KSR1: variants seen among roughly 807,000 people sequenced by gnomAD.
The protein encoded by KSR1 is kinase suppressor of ras.
KSR1 carries 35 observed loss-of-function variants against 92.9 expected under a neutral mutation model. That is an observed-to-expected ratio of 0.38 (90% CI 0.29 to 0.50). The LOEUF (loss-of-function observed/expected upper bound fraction) is 0.50, where lower values mean the gene tolerates loss of function less well. KSR1 is among the 20% of genes least tolerant of loss of function. The pLI is 0.94. For synonymous variants in KSR1, 467 were observed against 472.6 expected (o/e 0.99, Z 0.15); for missense variants, 972 against 1,158.5 (o/e 0.84, Z 2.34).
chr17:27,525,674 A>C (rs1004196438), intron 1 of KSR1, among the ~76,000 whole-genome samples: 1 of 152,220 alleles, frequency 6.6e-6, no homozygotes, highest in African/African-American at 2.4e-5. Flanking sequence ...AAGGTTCCAA[A>C]GGTTTCCAGA....
Position 27,617,573 on chromosome 17 carries a change from G to A in KSR1, c.2627+145G>A, listed in dbSNP as rs551505973. 3.2e-3 allele frequency: 3,169 copies of A among 1,002,502 alleles called. 3 individuals are homozygous for A. The highest frequency in any genetic ancestry group is 4.1e-3 in the Non-Finnish European group (2,885 of 701,758). 62.1% of individuals were successfully genotyped at this position (1,002,502 alleles called of 1,614,324 possible). ...ACAGAGTCTCGCTCTTGTCATCAGGGCTGGAGTGCAGTGGCACGATCTCAG... is the reference window on the plus strand; with the variant it reads ...ACAGAGTCTCGCTCTTGTCATCAGGACTGGAGTGCAGTGGCACGATCTCAG... On this transcript the variant is annotated intron_variant, in intron 19 of 20. Transcript: ENST00000644974.
intron 1 of KSR1, among the ~76,000 whole-genome samples, chr17:27,516,231 G>A (rs1170847468): frequency 6.6e-6 from 1 of 152,174 alleles, no homozygotes; most frequent in Non-Finnish European, 1.5e-5. Context: ...TTGCCTTATG[G>A]TCATTGTAAG....
intron 13 of KSR1, among the ~76,000 whole-genome samples, chr17:27,604,941 G>A (rs1291659225): frequency 6.6e-6 from 1 of 152,220 alleles, no homozygotes; most frequent in African/African-American, 2.4e-5. Context: ...CTCCCCAGGT[G>A]ATTGTAGCCA....
At chr17:27,552,264 G>C (rs77826270) in intron 2 of KSR1, among the ~76,000 whole-genome samples, 1 of 152,160 alleles carries the variant, frequency 6.6e-6, no homozygotes, top group Admixed American at 6.5e-5. Context: ...CCTGGGATGC[G>C]AGCACCATGA....
intron 2 of KSR1, among the ~76,000 whole-genome samples, chr17:27,552,519 G>A (rs1385429914): frequency 5.3e-5 from 8 of 152,278 alleles, no homozygotes; most frequent in Non-Finnish European, 1.5e-5. Flanking sequence ...CCAGTGTAGG[G>A]ATCATAGCCC....
chr17:27,468,093 A>G (rs1003774520), intron 1 of KSR1, among the ~76,000 whole-genome samples: 21 of 151,750 alleles, frequency 1.4e-4, no homozygotes, highest in African/African-American at 5.1e-4. Flanking sequence ...CTGGGATTAC[A>G]GGCGTGAGCC....
In KSR1 at chr17:27,590,922, G is replaced by A. The variant is rs765807807; in HGVS notation, c.1130+28G>A. On this transcript the variant is annotated intron_variant, in intron 7 of 20. Coordinates refer to ENST00000644974, the MANE Select transcript of KSR1 (RefSeq NM_001394583.1). ...GATGGGAAGAGGAGTGGGGGTGGGG[G>A]GAGCAGACACTTTTAGTTCAGTAAA... 209 of 1,576,694 alleles carry A rather than the reference G, an allele frequency of 1.3e-4. 3 individuals carry two copies. In the South Asian group the frequency reaches 2.1e-3, roughly 16 times the overall value.
intron 1 of KSR1, among the ~76,000 whole-genome samples, chr17:27,505,340 G>C (rs1051050938): frequency 6.6e-6 from 1 of 152,300 alleles, no homozygotes; most frequent in African/African-American, 2.4e-5. Context: ...ACAGGCCTGC[G>C]CATGCATGCT....
In KSR1 at chr17:27,617,426, T is replaced by A; in HGVS notation, c.2625T>A (p.Ala875=). 1 of 1,604,852 alleles carries A rather than the reference T, an allele frequency of 6.2e-7. No individual in the cohort carries two copies. Among genetic ancestry groups the A allele is most frequent in the African/African-American group, 1.3e-5 (1 of 74,868 alleles). ...ACCCTGGACACTTCTGGAAGTCAGC[T>A]GAGTAAGTGCCTCTTCCATGAGCCA... ...LSHPGHFWKS[A]DRWRSRYYGK... The change falls in exon 19 of 21, where the codon GCT becomes GCA. Residue 875 remains alanine, a splice_region_variant and synonymous_variant. Transcript: ENST00000644974.
rs780843331 is a variant in KSR1 at position 27,611,581 on chromosome 17, A to G, written c.2445A>G (p.Glu815=). 2 of 1,613,882 alleles carry G rather than the reference A, an allele frequency of 1.2e-6. No homozygotes were observed. Among genetic ancestry groups the G allele is most frequent in the Non-Finnish European group, 1.7e-6 (2 of 1,179,794 alleles). The change falls in exon 18 of 21, where the codon GAA becomes GAG. Residue 815 remains glutamate (E), a synonymous_variant. Coordinates refer to ENST00000644974, the MANE Select transcript of KSR1 (RefSeq NM_001394583.1). ...CCATCTGGCAGATTGGAAGCGGGGA[A>G]GGAATGAAGCGTGTCCTGACTTCTG... The part of the protein sequence containing the change: ...EASIWQIGSG[E]GMKRVLTSVS...
intron 1 of KSR1, among the ~76,000 whole-genome samples, chr17:27,494,328 G>A (rs919559041): frequency 1.3e-5 from 2 of 152,156 alleles, no homozygotes; most frequent in Non-Finnish European, 2.9e-5. Context: ...GATGTGTAAA[G>A]TGCAGTTTTG....
intron 1 of KSR1, among the ~76,000 whole-genome samples, chr17:27,533,798 A>T (rs758022122): frequency 6.6e-6 from 1 of 152,244 alleles, no homozygotes; most frequent in Admixed American, 6.5e-5. Flanking sequence ...TGTCTAGCGC[A>T]TAATAGTCAC....
intron 2 of KSR1, among the ~76,000 whole-genome samples, chr17:27,562,232 G>A (rs2071861583): frequency 6.6e-6 from 1 of 152,196 alleles, no homozygotes; most frequent in South Asian, 2.1e-4. Context: ...CATGTTGGCA[G>A]GGACCTGGCT....
At position 27,550,577 on chromosome 17, in the gene KSR1, G is replaced by T. The variant is rs1468162197; in HGVS notation, c.241G>T (p.Val81Phe). The change falls in exon 2 of 21, where the codon GTC (valine) becomes TTC (phenylalanine). Residue 81 changes from valine (V) to phenylalanine (F), a missense_variant. By Grantham distance (50) the Val-to-Phe change is conservative. This residue lies in a region of KSR1 where 611 missense variants were observed against 668.0 expected (regional missense o/e 0.91). Transcript: ENST00000644974. ...QEIRTLEAKLVRYICKQRQCK... is the reference protein window; with the variant it reads ...QEIRTLEAKLFRYICKQRQCK... ...TTTGGACTTTCTGCAGGCGAAGCTG[G>T]TCCGTTACATTTGTAAGCAGAGGCA... The T allele has an allele frequency of 7.3e-5, 56 of 764,788 alleles. 1 individual carries two copies. Among genetic ancestry groups the T allele is most frequent in the Non-Finnish European group, 9.8e-5 (41 of 417,648 alleles). 47.4% of individuals were successfully genotyped at this position (764,788 alleles called of 1,614,324 possible).
intron 1 of KSR1, among the ~76,000 whole-genome samples, chr17:27,466,726 C>T (rs2019717637): frequency 6.6e-6 from 1 of 152,256 alleles, no homozygotes; most frequent in South Asian, 2.1e-4. Context: ...AAGGAAGCAG[C>T]TTCCTGTTTC....
chr17:27,534,776 T>G (rs1356415937), intron 1 of KSR1, among the ~76,000 whole-genome samples: 2 of 152,184 alleles, frequency 1.3e-5, no homozygotes, highest in Non-Finnish European at 2.9e-5. Flanking sequence ...AGCCATTGCT[T>G]GTTAGAGAAG....
chr17:27,487,602 A>T (rs1485342430), intron 1 of KSR1, among the ~76,000 whole-genome samples: 1 of 140,114 alleles, frequency 7.1e-6, no homozygotes, highest in Non-Finnish European at 1.6e-5. Flanking sequence ...AAAAAAAAAA[A>T]GGTTTATTTG....
At chr17:27,500,851 C>G (rs1477163656) in intron 1 of KSR1, among the ~76,000 whole-genome samples, 1 of 152,174 alleles carries the variant, frequency 6.6e-6, no homozygotes, top group Admixed American at 6.5e-5. Context: ...CTCTGCCAGG[C>G]CTTGCACCAG....
intron 1 of KSR1, among the ~76,000 whole-genome samples, chr17:27,518,820 C>T (rs561428668): frequency 5.3e-5 from 8 of 152,360 alleles, no homozygotes; most frequent in Admixed American, 4.6e-4. Context: ...GTTCCATATC[C>T]CTCCATTGTG....
Sources: gnomAD v4.1 joint callset for allele counts (sites outside exome capture counted in the v4.1 genomes callset) on GRCh38, gnomAD v4.1.1 for gene constraint, gnomAD v4.1.1 regional missense constraint, MANE v1.5 for transcripts, NCBI Gene and HGNC (gene_info 2026-07-23, HGNC 2026-07-21) for gene names.